The following C10orf53 variants were observed in gnomAD, a reference collection of about 807,000 sequenced individuals.
The protein encoded by C10orf53 is UPF0728 protein C10orf53.
Under a neutral mutation model 9.4 loss-of-function variants are expected in C10orf53, and 8 were observed. That is an observed-to-expected ratio of 0.85 (90% CI 0.50 to 1.53). The LOEUF (loss-of-function observed/expected upper bound fraction) is 1.53, where lower values mean the gene tolerates loss of function less well. Ranked by LOEUF, C10orf53 falls within the 40% of genes most tolerant of loss-of-function variation. C10orf53 has a pLI of 0.00. For missense variants in C10orf53, 117 were observed against 117.8 expected (o/e 0.99, Z 0.03); for synonymous variants, 48 against 46.0 (o/e 1.04, Z -0.18).
chr10:49,707,198 A>G (rs1332213322), intron 2 of C10orf53, among the ~76,000 whole-genome samples: 1 of 152,124 alleles, frequency 6.6e-6, no homozygotes, highest in Admixed American at 6.6e-5. Flanking sequence ...CACACCCTAC[A>G]GTGTTTTCTC....
At chr10:49,689,001 G>A (rs1840556477) in intron 1 of C10orf53, among the ~76,000 whole-genome samples, 1 of 152,202 alleles carries the variant, frequency 6.6e-6, no homozygotes, top group African/African-American at 2.4e-5. Flanking sequence ...CATGCTTTGA[G>A]GAGGGAAGGG....
chr10:49,681,878 G>A (rs933407457), intron 1 of C10orf53, among the ~76,000 whole-genome samples: 1 of 152,172 alleles, frequency 6.6e-6, no homozygotes. Context: ...CACATTGGGA[G>A]TTAGGGCTTC....
exon 3 of C10orf53, chr10:49,708,509 G>A: frequency 6.2e-7 from 1 of 1,614,170 alleles, no homozygotes; most frequent in East Asian, 2.2e-5. Flanking sequence ...TATTGGCCCA[G>A]ATTGGATCAT....
intron 1 of C10orf53, among the ~76,000 whole-genome samples, chr10:49,686,974 A>T (rs972624023): frequency 1.3e-5 from 2 of 152,246 alleles, no homozygotes; most frequent in South Asian, 4.1e-4. Context: ...GACTGCCACC[A>T]GGTCAGAGAA....
At chr10:49,692,004 C>G (rs1840589576) in intron 1 of C10orf53, among the ~76,000 whole-genome samples, 1 of 152,206 alleles carries the variant, frequency 6.6e-6, no homozygotes, top group Non-Finnish European at 1.5e-5. Context: ...CCAGGAGTGT[C>G]TTCAGACAAA....
exon 3 of C10orf53, chr10:49,709,472 C>A (rs1840746696): frequency 6.6e-6 from 1 of 152,230 alleles, no homozygotes; most frequent in South Asian, 2.1e-4. Flanking sequence ...CAGAGCCTCT[C>A]CTTGTGTCCC....
intron 2 of C10orf53, among the ~76,000 whole-genome samples, chr10:49,705,902 T>A (rs1160331713): frequency 6.6e-6 from 1 of 150,796 alleles, no homozygotes; most frequent in Non-Finnish European, 1.5e-5. Flanking sequence ...AATAAAGAAC[T>A]CTTACAGCTC....
chr10:49,693,421 A>C (rs564293662), intron 1 of C10orf53, among the ~76,000 whole-genome samples: 11 of 152,308 alleles, frequency 7.2e-5, no homozygotes, highest in African/African-American at 2.6e-4. Context: ...TCAGCAGAGT[A>C]AGAAGTTGCC....
At chr10:49,704,772 A>G (rs1840711051) in intron 2 of C10orf53, among the ~76,000 whole-genome samples, 2 of 152,170 alleles carry the variant, frequency 1.3e-5, no homozygotes, top group African/African-American at 4.8e-5. Flanking sequence ...AGGAAATACT[A>G]AAACAAAAAA....
downstream of C10orf53, among the ~76,000 whole-genome samples, chr10:49,701,672 C>T (rs1458789664): frequency 6.6e-6 from 1 of 152,152 alleles, no homozygotes; most frequent in Non-Finnish European, 1.5e-5. Context: ...GCTCAGCCTT[C>T]AGGTCCCTTC....
intron 1 of C10orf53, 103 bp downstream of exon 1, chr10:49,679,897 A>G (rs934291456): frequency 2.8e-6 from 3 of 1,067,454 alleles, no homozygotes; most frequent in East Asian, 3.1e-5. Flanking sequence ...ACGAAGCGCC[A>G]CCTCTCCAGG....
chr10:49,700,590 A>G (rs1048018563), downstream of C10orf53, among the ~76,000 whole-genome samples: 7 of 152,164 alleles, frequency 4.6e-5, no homozygotes, highest in African/African-American at 1.7e-4. Context: ...AACCATGGGC[A>G]TGTCCACTTC....
At chr10:49,682,287 T>C (rs952119450) in intron 1 of C10orf53, among the ~76,000 whole-genome samples, 1 of 152,094 alleles carries the variant, frequency 6.6e-6, no homozygotes, top group African/African-American at 2.4e-5. Flanking sequence ...TTCCTTCTGG[T>C]GGGTTCATGG....
At chr10:49,694,154 G>T in intron 2 of C10orf53, 1 of 593,154 alleles carries the variant, frequency 1.7e-6, no homozygotes, top group South Asian at 2.3e-5. Context: ...GGACTTCGAG[G>T]GATGTGATGG....
At position 49,696,209 on chromosome 10, in the gene C10orf53, G is replaced by A. The variant is rs551579673; in HGVS notation, c.*1607G>A. 1.3e-4 allele frequency among the ~76,000 whole-genome samples: 20 copies of A among 152,236 alleles called. No individual in the cohort carries two copies. The East Asian group carries it at 3.3e-3, about 25-fold the overall frequency. On this transcript the variant is annotated 3_prime_UTR_variant, in exon 3 of 3. Coordinates refer to ENST00000374111, the MANE Select transcript of C10orf53 (RefSeq NM_001042427.3). ...CAGGGGGTACATGGGCAGGTATGTT[G>A]AATCTTTTTTTAAACGTAACATTTT... is the stretch of plus-strand genomic sequence containing the variant.
At chr10:49,702,862 C>T (rs1258241) in intron 2 of C10orf53, among the ~76,000 whole-genome samples, 57,104 of 152,110 alleles carry the variant, frequency 0.38, 12,806 homozygotes, top group East Asian at 0.81. Context: ...CTCTACTAAC[C>T]ACCATCTAAG....
At chr10:49,690,676 A>G (rs1840574519) in intron 1 of C10orf53, among the ~76,000 whole-genome samples, 1 of 152,200 alleles carries the variant, frequency 6.6e-6, no homozygotes, top group Admixed American at 6.5e-5. Flanking sequence ...TGCCCCTTGC[A>G]TGCTCTACTT....
chr10:49,688,840 C>A (rs1029089982), intron 1 of C10orf53, among the ~76,000 whole-genome samples: 7 of 152,162 alleles, frequency 4.6e-5, no homozygotes, highest in African/African-American at 1.7e-4. Context: ...GGCAGGCCTT[C>A]CTTGGGCATC....
downstream of C10orf53, among the ~76,000 whole-genome samples, chr10:49,699,341 A>G (rs1840663696): frequency 1.3e-5 from 2 of 151,634 alleles, no homozygotes; most frequent in Admixed American, 1.3e-4. Flanking sequence ...CTACAGGTGC[A>G]TGCCACCATA....
Sources: gnomAD v4.1 joint callset for allele counts (sites outside exome capture counted in the v4.1 genomes callset) on GRCh38, gnomAD v4.1.1 for gene constraint, MANE v1.5 for transcripts, NCBI Gene and HGNC (gene_info 2026-07-23, HGNC 2026-07-21) for gene names.